Variants in GALNT14 observed in about 807,000 individuals in gnomAD.
The protein encoded by GALNT14 is UDP-GalNAc:polypeptide N-acetylgalactosaminyltransferase 14.
A neutral mutation model predicts 77.5 loss-of-function variants in GALNT14; 60 were observed. That is an observed-to-expected ratio of 0.77 (90% confidence interval 0.63 to 0.96). The LOEUF is 0.96. GALNT14 is among the 40% of genes least tolerant of loss of function. GALNT14 has a pLI of 0.00. For missense variants in GALNT14, 710 were observed against 731.0 expected (o/e 0.97, Z 0.33); for synonymous variants, 280 against 281.7 (o/e 0.99, Z 0.06).
rs777142276 is a variant in GALNT14 at position 30,960,490 on chromosome 2, G to GA, written c.399-2027dup. ...AATGTCCAGGGTTTAAAACAGAAAAGAAAAAAAAAAGAAATAGTCAGCAGT... is the reference window on the plus strand; with the variant it reads ...AATGTCCAGGGTTTAAAACAGAAAAGAAAAAAAAAAAGAAATAGTCAGCAGT... On this transcript the variant is annotated intron_variant, in intron 3 of 14. Coordinates refer to ENST00000349752, the MANE Select transcript of GALNT14 (RefSeq NM_024572.4). Among the ~76,000 whole-genome samples, 292 of 147,884 alleles carry GA rather than the reference G, an allele frequency of 2.0e-3. 3 individuals carry two copies. In the East Asian group the frequency reaches 0.036, roughly 18 times the overall value.
At chr2:30,994,666 C>T (rs1669912869) in intron 1 of GALNT14, among the ~76,000 whole-genome samples, 1 of 152,104 alleles carries the variant, frequency 6.6e-6, no homozygotes, top group African/African-American at 2.4e-5. Context: ...TAGCTGTGAC[C>T]TCTGCTTGGA....
chr2:31,137,772 C>T (rs1679293892), intron 1 of GALNT14, among the ~76,000 whole-genome samples, 186 bp downstream of exon 1: 3 of 152,296 alleles, frequency 2.0e-5, no homozygotes, highest in South Asian at 2.1e-4. Flanking sequence ...CACCGCGGGT[C>T]CGGAGATGCC....
At chr2:30,982,813 T>C (rs1282322667) in intron 2 of GALNT14, among the ~76,000 whole-genome samples, 1 of 152,200 alleles carries the variant, frequency 6.6e-6, no homozygotes, top group Non-Finnish European at 1.5e-5. Context: ...TATATTTCAA[T>C]AAAAGATTTC....
chr2:31,065,747 T>C (rs982395611), intron 1 of GALNT14, among the ~76,000 whole-genome samples: 4 of 152,148 alleles, frequency 2.6e-5, no homozygotes, highest in Non-Finnish European at 4.4e-5. Flanking sequence ...GCCTCTGACC[T>C]TGAGATAGAC....
At chr2:30,948,543 G>T (rs1227315904) in intron 6 of GALNT14, among the ~76,000 whole-genome samples, 1 of 152,182 alleles carries the variant, frequency 6.6e-6, no homozygotes, top group East Asian at 1.9e-4. Context: ...GGATATCGAG[G>T]CTTGCGGGGA....
intron 3 of GALNT14, among the ~76,000 whole-genome samples, chr2:30,962,843 C>G (rs981853245): frequency 1.6e-4 from 24 of 152,180 alleles, no homozygotes; most frequent in African/African-American, 5.8e-4. Context: ...TTGAAGACCT[C>G]TGAGACAGGA....
chr2:30,943,744 TG>T (rs890551879), intron 8 of GALNT14, among the ~76,000 whole-genome samples: 3 of 152,170 alleles, frequency 2.0e-5, no homozygotes, highest in African/African-American at 7.2e-5. Context: ...GACTTTGTCC[TG>T]GGTACCAACT....
chr2:31,073,539 G>C (rs1675561708), intron 1 of GALNT14, among the ~76,000 whole-genome samples: 1 of 152,110 alleles, frequency 6.6e-6, no homozygotes, highest in Admixed American at 6.6e-5. Context: ...CTCTAAATAG[G>C]GTAATCATGC....
intron 1 of GALNT14, among the ~76,000 whole-genome samples, chr2:31,103,837 T>C (rs952912272): frequency 2.6e-5 from 4 of 152,160 alleles, no homozygotes; most frequent in Non-Finnish European, 5.9e-5. Flanking sequence ...AGTTTAGTTT[T>C]ACAGTTAAAA....
At chr2:30,991,647 A>G (rs1304560655) in intron 2 of GALNT14, among the ~76,000 whole-genome samples, 1 of 152,186 alleles carries the variant, frequency 6.6e-6, no homozygotes, top group Non-Finnish European at 1.5e-5. Flanking sequence ...CTGTAATATC[A>G]TCTAGTTCAC....
chr2:31,004,798 C>A lies in GALNT14; in HGVS notation c.130-11791G>T, dbSNP rs549159212. Reference sequence around the variant, plus strand: ...AGCCAGGCTTCTCTCCCCTCCTTAGCTCACTGCAAAGGACTGGAACATATC... The same window carrying A: ...AGCCAGGCTTCTCTCCCCTCCTTAGATCACTGCAAAGGACTGGAACATATC... On this transcript the variant is annotated intron_variant, in intron 1 of 14. Coordinates refer to ENST00000349752, the MANE Select transcript of GALNT14 (RefSeq NM_024572.4). Among the ~76,000 whole-genome samples the A allele has an allele frequency of 2.0e-5, 3 of 152,316 alleles. No individual in the cohort carries two copies. In the South Asian group the frequency reaches 6.2e-4, roughly 32 times the overall value.
downstream of GALNT14, among the ~76,000 whole-genome samples, chr2:30,908,310 C>A (rs75462791): frequency 6.6e-6 from 1 of 152,076 alleles, no homozygotes; most frequent in Non-Finnish European, 1.5e-5. Context: ...ATCTAGAAAA[C>A]CCCATTGTCT....
intron 1 of GALNT14, among the ~76,000 whole-genome samples, chr2:31,136,757 C>CT: frequency 6.6e-6 from 1 of 152,238 alleles, no homozygotes; most frequent in Non-Finnish European, 1.5e-5. Context: ...AGTAGAACGA[C>CT]TTAAGGTACG....
chr2:31,079,320 C>A (rs1188908391), intron 1 of GALNT14, among the ~76,000 whole-genome samples: 1 of 152,128 alleles, frequency 6.6e-6, no homozygotes, highest in East Asian at 1.9e-4. Context: ...CTGAGAATGA[C>A]CCTGTTTGGA....
At chr2:31,044,747 A>G (rs1162549443) in intron 1 of GALNT14, among the ~76,000 whole-genome samples, 1 of 125,414 alleles carries the variant, frequency 8.0e-6, no homozygotes, top group Admixed American at 7.6e-5. Context: ...GCGAAATTCC[A>G]TCTCTACAAA....
rs1299383130 is a variant in GALNT14, at chr2:30,910,849, C to T, written c.*52G>A. 1 of 1,592,616 alleles carries T rather than the reference C, an allele frequency of 6.3e-7. No homozygotes were observed. Among genetic ancestry groups the T allele is most frequent in the African/African-American group, 1.3e-5 (1 of 74,304 alleles). On this transcript the variant is annotated 3_prime_UTR_variant, in exon 15 of 15. Transcript: ENST00000349752. ...CTTGCTGCCCAGTTTCCAGTCTGTT[C>T]TGGTCCAGGGAAGCACCACCCCATG...
At chr2:30,981,603 CT>C (rs1472131179) in intron 2 of GALNT14, among the ~76,000 whole-genome samples, 8 of 151,292 alleles carry the variant, frequency 5.3e-5, no homozygotes, top group African/African-American at 1.9e-4. Flanking sequence ...CTGCAGGGCC[CT>C]GGAGTCCTGT....
At chr2:30,941,887 C>T (rs763098726) in intron 9 of GALNT14, among the ~76,000 whole-genome samples, 16 of 152,216 alleles carry the variant, frequency 1.1e-4, no homozygotes, top group Non-Finnish European at 1.3e-4. Context: ...ACTTGGTGCT[C>T]CTCCTTGGTC....
At chr2:31,036,352 T>C (rs1180018507) in intron 1 of GALNT14, among the ~76,000 whole-genome samples, 1 of 152,192 alleles carries the variant, frequency 6.6e-6, no homozygotes, top group Non-Finnish European at 1.5e-5. Flanking sequence ...AACAGTATAG[T>C]TTGAATTAAT....
Sources: allele counts gnomAD v4.1 joint callset (sites outside exome capture counted in the v4.1 genomes callset), GRCh38; gene constraint gnomAD v4.1.1; transcripts MANE v1.5; gene names NCBI Gene and HGNC (gene_info 2026-07-23, HGNC 2026-07-21).